DSCAML1: variants seen among roughly 807,000 people sequenced by gnomAD.
The protein encoded by DSCAML1 is cell adhesion molecule DSCAML1.
A neutral mutation model predicts 200.5 loss-of-function variants in DSCAML1; 38 were observed. That is an observed-to-expected ratio of 0.19 (90% CI 0.15 to 0.25). The LOEUF (loss-of-function observed/expected upper bound fraction) is 0.25, where lower values mean the gene tolerates loss of function less well. Among genes scored for constraint, DSCAML1 ranks in the 10% least tolerant of loss-of-function variants. DSCAML1 has a pLI of 1.00. For missense variants in DSCAML1, 2,223 were observed against 2,858.8 expected, an observed-to-expected ratio of 0.78 and a Z score of 5.07; for synonymous variants, 1,215 against 1,165.0, an observed-to-expected ratio of 1.04 and a Z score of -0.87.
At chr11:117,736,156 T>C (rs1160655073) in intron 3 of DSCAML1, among the ~76,000 whole-genome samples, 2 of 152,174 alleles carry the variant, frequency 1.3e-5, no homozygotes, top group African/African-American at 2.4e-5. Context: ...GTGGCTGAGT[T>C]AGGTGACTCT....
intron 3 of DSCAML1, among the ~76,000 whole-genome samples, chr11:117,737,279 G>A (rs181335822): frequency 6.6e-6 from 1 of 152,338 alleles, no homozygotes; most frequent in Admixed American, 6.5e-5. Flanking sequence ...AAGAACAGCT[G>A]TAAAAGGCTT....
At chr11:117,587,260 C>CCCG (rs1555187515) in intron 3 of DSCAML1, among the ~76,000 whole-genome samples, 2 of 150,616 alleles carry the variant, frequency 1.3e-5, no homozygotes, top group Non-Finnish European at 3.0e-5. Context: ...CCAACCCCCC[C>CCCG]CCACGATTTA....
chr11:117,436,978 C>G, intron 26 of DSCAML1, 144 bp downstream of exon 26: 1 of 1,198,518 alleles, frequency 8.3e-7, no homozygotes. Flanking sequence ...TCAGCCCCTT[C>G]ACCTGCAGGC....
chr11:117,753,920 A>C (rs149223330), intron 3 of DSCAML1, among the ~76,000 whole-genome samples: 35 of 152,304 alleles, frequency 2.3e-4, no homozygotes, highest in African/African-American at 7.9e-4. Flanking sequence ...CTGTGATTCT[A>C]GGATTCATTC....
At chr11:117,525,546 AC>A (rs763012625) in intron 4 of DSCAML1, among the ~76,000 whole-genome samples, 125 of 150,328 alleles carry the variant, frequency 8.3e-4, no homozygotes, top group Non-Finnish European at 1.6e-3. Context: ...TGCAACCTCC[AC>A]CTCCCAGGTT....
intron 3 of DSCAML1, among the ~76,000 whole-genome samples, chr11:117,544,406 T>TG (rs2050332721): frequency 6.6e-6 from 1 of 152,200 alleles, no homozygotes; most frequent in Non-Finnish European, 1.5e-5. Flanking sequence ...ATTTGTGCTG[T>TG]GGGGCAGGGC....
At chr11:117,564,377 T>G (rs2050716749) in intron 3 of DSCAML1, among the ~76,000 whole-genome samples, 1 of 152,210 alleles carries the variant, frequency 6.6e-6, no homozygotes, top group Non-Finnish European at 1.5e-5. Flanking sequence ...GTTATTGTTT[T>G]TATTCACCAG....
chr11:117,702,733 A>G (rs1322677928), intron 3 of DSCAML1, among the ~76,000 whole-genome samples: 3 of 152,210 alleles, frequency 2.0e-5, no homozygotes, highest in Non-Finnish European at 4.4e-5. Context: ...AGTATTTGCC[A>G]CTGAGTTTCA....
At chr11:117,734,500 C>G (rs1352529217) in intron 3 of DSCAML1, among the ~76,000 whole-genome samples, 1 of 152,230 alleles carries the variant, frequency 6.6e-6, no homozygotes, top group South Asian at 2.1e-4. Context: ...CCACCTCGGG[C>G]TCTCCCCCAG....
chr11:117,584,524 C>T (rs867066063), intron 3 of DSCAML1, among the ~76,000 whole-genome samples: 6 of 152,304 alleles, frequency 3.9e-5, no homozygotes, highest in South Asian at 2.1e-4. Context: ...AACACTTGCT[C>T]GGCACAAAAC....
chr11:117,437,806 C>T lies in DSCAML1; in HGVS notation c.4432+89G>A. Reference sequence around the variant, plus strand: ...ATCCCTGGACCCCTCCTTCCCCACCCCAGCCACCTTACACCCCATACCTGG... The same window carrying T: ...ATCCCTGGACCCCTCCTTCCCCACCTCAGCCACCTTACACCCCATACCTGG... On this transcript the variant is annotated intron_variant, in intron 25 of 32. Transcript: ENST00000651296. This position sits in a 1 kb window ranked among gnomAD's most constrained non-coding sequence, Gnocchi z 5.3. 7.2e-7 allele frequency: 1 copy of T among 1,393,384 alleles called. No individual in the cohort carries two copies. The allele number at this position is 1,393,384 out of a possible 1,614,324, so 86.3% of individuals were successfully genotyped here.
At chr11:117,765,606 G>A (rs1339155262) in intron 3 of DSCAML1, among the ~76,000 whole-genome samples, 5 of 152,218 alleles carry the variant, frequency 3.3e-5, no homozygotes, top group African/African-American at 1.2e-4. Flanking sequence ...GTGGACATGC[G>A]TCTGTCTAGC....
intron 3 of DSCAML1, among the ~76,000 whole-genome samples, chr11:117,652,363 G>A (rs1482337208): frequency 6.6e-6 from 1 of 152,230 alleles, no homozygotes; most frequent in Non-Finnish European, 1.5e-5. Context: ...AGATGGAGCA[G>A]ATGACACTGC....
At position 117,463,435 on chromosome 11, in the gene DSCAML1, A is replaced by G. The variant is rs1476577409; in HGVS notation, c.3265+1507T>C. Among the ~76,000 whole-genome samples the G allele has an allele frequency of 6.6e-6, 1 of 151,024 alleles. No homozygotes were observed. Among genetic ancestry groups the G allele is most frequent in the Non-Finnish European group, 1.5e-5 (1 of 67,884 alleles). ...CTGGACACCCGGATTAGAAATGAACATTCTTGGCCCCCACCTCAGACCTGC... is the reference window on the plus strand; with the variant it reads ...CTGGACACCCGGATTAGAAATGAACGTTCTTGGCCCCCACCTCAGACCTGC... On this transcript the variant is annotated intron_variant, in intron 17 of 32. Coordinates refer to ENST00000651296, the MANE Select transcript of DSCAML1 (RefSeq NM_020693.4). This position sits in a 1 kb window ranked among gnomAD's most constrained non-coding sequence, Gnocchi z 4.0.
At position 117,776,804 on chromosome 11, in the gene DSCAML1, G is replaced by A; in HGVS notation, c.498C>T (p.Val166=). 1 of 1,614,180 alleles carries A rather than the reference G, an allele frequency of 6.2e-7. No individual in the cohort carries two copies. The highest frequency in any genetic ancestry group is 8.5e-7 in the Non-Finnish European group (1 of 1,180,028). ...GACGCTTCTTACCTGGGATGATGGA[G>A]ACTGTGTCTTTCTCCCAAGATACAA... is the stretch of plus-strand genomic sequence containing the variant. ...VSVVSWEKDT[V]SIIPEHRFFI... The change falls in exon 3 of 33, where the codon GTC becomes GTT. Residue 166 remains valine, a synonymous_variant. Coordinates refer to ENST00000651296, the MANE Select transcript of DSCAML1 (RefSeq NM_020693.4).
chr11:117,681,145 C>T (rs1167432881), intron 3 of DSCAML1, among the ~76,000 whole-genome samples: 1 of 152,202 alleles, frequency 6.6e-6, no homozygotes, highest in African/African-American at 2.4e-5. Flanking sequence ...TTCTCTCTCC[C>T]ACCCACGCCC....
chr11:117,625,066 G>C (rs535051410), intron 3 of DSCAML1, among the ~76,000 whole-genome samples: 2 of 152,060 alleles, frequency 1.3e-5, no homozygotes, highest in African/African-American at 4.8e-5. Flanking sequence ...TGATTCCAAC[G>C]TGTGGTCAGG....
chr11:117,460,536 A>G (rs2048459037), intron 18 of DSCAML1, among the ~76,000 whole-genome samples: 1 of 152,090 alleles, frequency 6.6e-6, no homozygotes, highest in Non-Finnish European at 1.5e-5. Context: ...GAGATGACTA[A>G]GGCCTTTAAT....
In DSCAML1 at chr11:117,437,926, G is replaced by A. The variant is rs760599656; in HGVS notation, c.4401C>T (p.Ser1467=). 7.3e-5 allele frequency: 117 copies of A among 1,612,316 alleles called. 1 individual carries two copies. The East Asian group carries it at 8.2e-4, about 11-fold the overall frequency. Residue 1467 remains serine, a synonymous_variant, in exon 25 of 33, where the codon AGC becomes AGT. Transcript: ENST00000651296. The surrounding 1 kb of genome is among the most constrained non-coding windows in gnomAD (Gnocchi z 5.3). ...CGTGGGTCTTGGCCTCGATGATCTCGCTGATGCGCCCAGAGCCCACGCTGT... is the reference window on the plus strand; with the variant it reads ...CGTGGGTCTTGGCCTCGATGATCTCACTGATGCGCCCAGAGCCCACGCTGT... The part of the protein sequence containing the change: ...AKNSVGSGRI[S]EIIEAKTHGR...
Sources: allele counts gnomAD v4.1 joint callset (sites outside exome capture counted in the v4.1 genomes callset), GRCh38; gene constraint gnomAD v4.1.1; non-coding constraint Gnocchi (gnomAD v3.1); transcripts MANE v1.5; gene names NCBI Gene and HGNC (gene_info 2026-07-23, HGNC 2026-07-21).